Variants in ABRAXAS2 observed in about 807,000 individuals in gnomAD.
ABRAXAS2 encodes BRISC complex subunit Abraxas 2.
A neutral mutation model predicts 49.0 loss-of-function variants in ABRAXAS2; 23 were observed. The ratio of observed to expected loss-of-function variants is 0.47; its 90% confidence interval spans 0.34 to 0.66. The LOEUF is 0.66. ABRAXAS2 is among the 30% of genes least tolerant of loss of function. The pLI is 0.01. For synonymous variants in ABRAXAS2, 168 were observed against 180.2 expected (o/e 0.93, Z 0.54); for missense variants, 443 against 511.9 (o/e 0.87, Z 1.30).
chr10:124,804,981 T>C (rs1950731138), intron 1 of ABRAXAS2, among the ~76,000 whole-genome samples: 2 of 152,160 alleles, frequency 1.3e-5, no homozygotes, highest in Admixed American at 6.5e-5. Context: ...CCCAAAGTGC[T>C]GGGATTACAA....
intron 4 of ABRAXAS2, among the ~76,000 whole-genome samples, chr10:124,823,863 A>G (rs547941102): frequency 6.6e-6 from 1 of 152,336 alleles, no homozygotes; most frequent in South Asian, 2.1e-4. Context: ...ACCAATACAC[A>G]TTAATTTGGC....
At chr10:124,831,766 C>G (rs1408072829) in intron 8 of ABRAXAS2, among the ~76,000 whole-genome samples, 1 of 150,886 alleles carries the variant, frequency 6.6e-6, no homozygotes, top group Non-Finnish European at 1.5e-5. Context: ...ACAATCGGAC[C>G]TAGTTACAGT....
chr10:124,821,491 G>T (rs545976236), intron 4 of ABRAXAS2, among the ~76,000 whole-genome samples: 1 of 151,876 alleles, frequency 6.6e-6, no homozygotes. Context: ...GCTTGAACCC[G>T]GGAGGCAGAG....
intron 2 of ABRAXAS2, among the ~76,000 whole-genome samples, chr10:124,813,743 G>A (rs1950805899): frequency 6.6e-6 from 1 of 152,164 alleles, no homozygotes; most frequent in South Asian, 2.1e-4. Flanking sequence ...GTACCACACA[G>A]TATCTATAGA....
rs142090422 is a variant in ABRAXAS2, at chr10:124,804,655, C to T, written c.73-2176C>T. Among the ~76,000 whole-genome samples the T allele has an allele frequency of 3.9e-3, 580 of 149,402 alleles. 3 individuals carry two copies. Among genetic ancestry groups the T allele is most frequent in the African/African-American group, 0.013 (534 of 40,560 alleles). ...TTTCTCAAATTAGTAGTCATGGACA[C>T]TCCTTTGGATCTCAGAGAGTTTTTT... On this transcript the variant is annotated intron_variant, in intron 1 of 8. Coordinates refer to ENST00000298492, the MANE Select transcript of ABRAXAS2 (RefSeq NM_032182.4).
At chr10:124,819,724 A>G (rs952635304) in intron 4 of ABRAXAS2, among the ~76,000 whole-genome samples, 1 of 151,966 alleles carries the variant, frequency 6.6e-6, no homozygotes, top group African/African-American at 2.4e-5. Context: ...CAGTGAGCCA[A>G]GATTGCACCA....
chr10:124,804,091 C>T (rs550049869), intron 1 of ABRAXAS2, among the ~76,000 whole-genome samples: 1 of 152,226 alleles, frequency 6.6e-6, no homozygotes, highest in South Asian at 2.1e-4. Context: ...AAATTACAGA[C>T]AAGGTCTTGC....
At chr10:124,802,485 C>T (rs1256064379) in intron 1 of ABRAXAS2, among the ~76,000 whole-genome samples, 2 of 152,044 alleles carry the variant, frequency 1.3e-5, no homozygotes, top group African/African-American at 4.8e-5. Flanking sequence ...CTTGAAGTTG[C>T]GTGTTTAGTT....
At chr10:124,809,814 A>G (rs1178179432) in intron 2 of ABRAXAS2, among the ~76,000 whole-genome samples, 1 of 146,362 alleles carries the variant, frequency 6.8e-6, no homozygotes, top group African/African-American at 2.5e-5. Flanking sequence ...GTGCAATGGC[A>G]CGATCTTGGT....
rs1191496820 is a variant in ABRAXAS2 at position 124,818,340 on chromosome 10, G to C, written c.201-1044G>C. Among the ~76,000 whole-genome samples, 3 of 150,016 alleles carry C rather than the reference G, an allele frequency of 2.0e-5. No homozygotes were observed. In the Admixed American group the frequency reaches 2.0e-4, roughly 10 times the overall value. On this transcript the variant is annotated intron_variant, in intron 3 of 8. Transcript: ENST00000298492. ...GAACCTGGGAGGTGGAGCTTGGAGA[G>C]AGCCGAGATCGCGCCACTGCACTCC...
intron 4 of ABRAXAS2, among the ~76,000 whole-genome samples, chr10:124,821,531 A>T (rs1374012752): frequency 6.7e-6 from 1 of 150,202 alleles, no homozygotes; most frequent in Admixed American, 6.7e-5. Flanking sequence ...GCGCCACTGC[A>T]CACTCCCACC....
chr10:124,826,960 G>A (rs1379965418), intron 5 of ABRAXAS2, among the ~76,000 whole-genome samples, 175 bp downstream of exon 5: 1 of 102,964 alleles, frequency 9.7e-6, no homozygotes, highest in Non-Finnish European at 2.5e-5. Context: ...TGGGTGTGGT[G>A]GCACGTGGCT....
Position 124,831,420 on chromosome 10 carries a change from A to G in ABRAXAS2, c.735A>G (p.Arg245=), listed in dbSNP as rs1050271084. 1 of 1,611,476 alleles carries G rather than the reference A, an allele frequency of 6.2e-7. No homozygotes were observed. The highest frequency in any genetic ancestry group is 2.2e-5 in the East Asian group (1 of 44,870). ...ESCQAEVNKL[R]RQITQRKNEK... is the part of the protein sequence containing the mutation. ...GTCAGGCAGAAGTGAACAAATTAAGAAGACAAATCACTCAGAGGAAAAATG... is the reference window on the plus strand; with the variant it reads ...GTCAGGCAGAAGTGAACAAATTAAGGAGACAAATCACTCAGAGGAAAAATG... Residue 245 remains arginine, a synonymous_variant, in exon 8 of 9, where the codon AGA becomes AGG. Coordinates refer to ENST00000298492, the MANE Select transcript of ABRAXAS2 (RefSeq NM_032182.4).
In ABRAXAS2 at chr10:124,828,820, G is replaced by A; in HGVS notation, c.523G>A (p.Val175Met). The change falls in exon 6 of 9, where the codon GTG becomes ATG. Residue 175 changes from valine (V) to methionine (M), a missense_variant. By Grantham distance (21) the Val-to-Met change is conservative (BLOSUM62 1). Around this residue, in one of 3 missense-constraint regions of ABRAXAS2, gnomAD observed 166 missense variants for 247.3 expected, o/e 0.67. Transcript: ENST00000298492. ...AAATACTAGCCAGCAAGAGTACAAAGTGTCTTCAGTGCCAAATACTTCTCA... is the reference window on the plus strand; with the variant it reads ...AAATACTAGCCAGCAAGAGTACAAAATGTCTTCAGTGCCAAATACTTCTCA... ...LGNTSQQEYKVSSVPNTSQSY... is the reference protein window; with the variant it reads ...LGNTSQQEYKMSSVPNTSQSY... The A allele has an allele frequency of 6.2e-7, 1 of 1,613,806 alleles. No individual in the cohort carries two copies. Among genetic ancestry groups the A allele is most frequent in the Non-Finnish European group, 8.5e-7 (1 of 1,179,758 alleles).
At position 124,831,465 on chromosome 10, in the gene ABRAXAS2, T is replaced by G; in HGVS notation, c.778+2T>G. ...AAAATGAAAAGGAACAAGAAAGAAGTAAGTTTCTTATTAATTTTACCATTC... is the reference window on the plus strand; with the variant it reads ...AAAATGAAAAGGAACAAGAAAGAAGGAAGTTTCTTATTAATTTTACCATTC... On this transcript the variant is annotated splice_donor_variant, in intron 8 of 8. Transcript: ENST00000298492. LOFTEE classifies it high-confidence loss of function. 1 of 1,462,182 alleles carries G rather than the reference T, an allele frequency of 6.8e-7. No homozygotes were observed. The highest frequency in any genetic ancestry group is 9.6e-7 in the Non-Finnish European group (1 of 1,044,834). 90.6% of individuals were successfully genotyped at this position (1,462,182 alleles called of 1,614,324 possible).
In ABRAXAS2 at chr10:124,831,842, C is replaced by CG. The variant is rs1373935522; in HGVS notation, c.778+379_778+380insG. On this transcript the variant is annotated intron_variant, in intron 8 of 8. Coordinates refer to ENST00000298492, the MANE Select transcript of ABRAXAS2 (RefSeq NM_032182.4). Reference sequence around the variant, plus strand: ...CCAGCAGGTAGGCACTGTGTCCTGTCTTTTTTTTTTTTTTTTTTTTTTTTT... The same window carrying CG: ...CCAGCAGGTAGGCACTGTGTCCTGTCGTTTTTTTTTTTTTTTTTTTTTTTTT... 3.4e-4 allele frequency among the ~76,000 whole-genome samples: 13 copies of CG among 37,698 alleles called. No individual in the cohort carries two copies. In the Admixed American group the frequency reaches 5.7e-3, roughly 16 times the overall value. 24.7% of individuals were successfully genotyped at this position (37,698 alleles called of 152,430 possible).
chr10:124,824,799 A>C (rs948583967), intron 4 of ABRAXAS2, among the ~76,000 whole-genome samples: 2 of 152,174 alleles, frequency 1.3e-5, no homozygotes, highest in Non-Finnish European at 2.9e-5. Flanking sequence ...AGAGTATTGA[A>C]TCTTAGAATG....
chr10:124,833,081 G>A (rs1227909030), intron 8 of ABRAXAS2, among the ~76,000 whole-genome samples: 7 of 150,556 alleles, frequency 4.6e-5, no homozygotes, highest in Non-Finnish European at 1.0e-4. Context: ...AGGAGGCAGA[G>A]GTTGCAGTGA....
intron 8 of ABRAXAS2, among the ~76,000 whole-genome samples, chr10:124,833,776 T>A (rs1023702383): frequency 6.6e-6 from 1 of 152,178 alleles, no homozygotes; most frequent in Non-Finnish European, 1.5e-5. Context: ...TAATATTTTT[T>A]AAAAATTGAA....
Sources: gnomAD v4.1 joint callset for allele counts (sites outside exome capture counted in the v4.1 genomes callset) on GRCh38, gnomAD v4.1.1 for gene constraint, gnomAD v4.1.1 regional missense constraint, MANE v1.5 for transcripts, NCBI Gene and HGNC (gene_info 2026-07-23, HGNC 2026-07-21) for gene names.